PRKN: variants seen among roughly 807,000 people sequenced by gnomAD.
The protein encoded by PRKN is E3 ubiquitin-protein ligase parkin.
In PRKN, 56 loss-of-function variants were observed where a neutral mutation model predicts 59.5. The ratio of observed to expected loss-of-function variants is 0.94; its 90% CI spans 0.76 to 1.18. The LOEUF (loss-of-function observed/expected upper bound fraction) is 1.18, where lower values mean the gene tolerates loss of function less well. Among genes scored for constraint, PRKN ranks in the 50% most tolerant of loss-of-function variants. PRKN has a pLI of 0.00. For synonymous variants in PRKN, 250 were observed against 222.1 expected, an observed-to-expected ratio of 1.13 and a Z score of -1.12; for missense variants, 657 against 596.4, an observed-to-expected ratio of 1.10 and a Z score of -1.06.
At chr6:161,804,863 A>T (rs1326359029) in intron 6 of PRKN, among the ~76,000 whole-genome samples, 1 of 152,242 alleles carries the variant, frequency 6.6e-6, no homozygotes, top group Non-Finnish European at 1.5e-5. Flanking sequence ...TCCAGTACTC[A>T]ACTTTCTAAG....
chr6:162,602,208 G>A (rs1283455881), intron 1 of PRKN, among the ~76,000 whole-genome samples: 1 of 152,170 alleles, frequency 6.6e-6, no homozygotes, highest in African/African-American at 2.4e-5. Context: ...GAGCACCCTG[G>A]GTCCTAAAGG....
intron 1 of PRKN, chr6:162,569,587 T>C: frequency 1.4e-6 from 1 of 717,300 alleles, no homozygotes; most frequent in South Asian, 1.4e-5. Flanking sequence ...GCCTCAGCTA[T>C]GGCCTGGGCT....
At chr6:162,142,067 G>A (rs1490833649) in intron 4 of PRKN, among the ~76,000 whole-genome samples, 1 of 152,164 alleles carries the variant, frequency 6.6e-6, no homozygotes, top group East Asian at 1.9e-4. Context: ...TGCATAAGCT[G>A]CTTAAAAGAT....
intron 2 of PRKN, among the ~76,000 whole-genome samples, chr6:162,330,714 C>A (rs1200546116): frequency 6.6e-6 from 1 of 152,198 alleles, no homozygotes; most frequent in East Asian, 1.9e-4. Context: ...AAGTGAAGTT[C>A]TGGAAGTTAC....
chr6:161,384,485 G>A (rs1434650788), intron 10 of PRKN, among the ~76,000 whole-genome samples: 2 of 151,974 alleles, frequency 1.3e-5, no homozygotes, highest in African/African-American at 4.8e-5. Context: ...GGAGTCTGCA[G>A]TGAGCCAAGA....
At chr6:161,609,109 G>GAATTATGGGACATAGGTCCCATATGTCC (rs1583287047) in intron 7 of PRKN, among the ~76,000 whole-genome samples, 4 of 152,178 alleles carry the variant, frequency 2.6e-5, no homozygotes, top group Admixed American at 2.0e-4. Flanking sequence ...CATAGTTTCT[G>GAATTATGGGACATAGGTCCCATATGTCC]AATTATGGGA....
At chr6:161,751,906 C>G (rs1203592368) in intron 7 of PRKN, among the ~76,000 whole-genome samples, 1 of 152,184 alleles carries the variant, frequency 6.6e-6, no homozygotes. Flanking sequence ...AGTGAACTGG[C>G]TGGAGAAGAG....
intron 1 of PRKN, among the ~76,000 whole-genome samples, chr6:162,648,574 G>A (rs2128226048): frequency 6.6e-6 from 1 of 152,060 alleles, no homozygotes; most frequent in Non-Finnish European, 1.5e-5. Flanking sequence ...TAGAGACGGG[G>A]TTTCACCATG....
intron 6 of PRKN, among the ~76,000 whole-genome samples, chr6:161,864,374 C>A (rs80201131): frequency 6.6e-6 from 1 of 152,170 alleles, no homozygotes; most frequent in South Asian, 2.1e-4. Context: ...CGATTCCTCA[C>A]CTGTTCAAGT....
chr6:161,572,660 C>CAATA (rs10674600), intron 7 of PRKN, among the ~76,000 whole-genome samples: 28,194 of 149,848 alleles, frequency 0.19, 3,051 homozygotes, highest in East Asian at 0.52. Flanking sequence ...GACTCTGTCT[C>CAATA]AATAAATAAA....
At chr6:161,745,995 C>T (rs545514998) in intron 7 of PRKN, among the ~76,000 whole-genome samples, 73 of 152,278 alleles carry the variant, frequency 4.8e-4, no homozygotes, top group African/African-American at 1.7e-3. Flanking sequence ...GAGACGAGGC[C>T]TCATCGTGGC....
At chr6:162,112,441 T>TA (rs1298761694) in intron 4 of PRKN, among the ~76,000 whole-genome samples, 2 of 152,186 alleles carry the variant, frequency 1.3e-5, no homozygotes, top group Non-Finnish European at 2.9e-5. Flanking sequence ...TTAAAAAAGA[T>TA]AAAGTAACAC....
intron 4 of PRKN, among the ~76,000 whole-genome samples, chr6:162,190,201 A>G (rs77449231): frequency 0.011 from 1,702 of 152,272 alleles, 26 homozygotes; most frequent in African/African-American, 0.039. Flanking sequence ...CACTTGGCTA[A>G]CTAGTCACTT....
At chr6:162,490,218 A>C (rs1372380071) in intron 1 of PRKN, among the ~76,000 whole-genome samples, 1 of 152,212 alleles carries the variant, frequency 6.6e-6, no homozygotes, top group Non-Finnish European at 1.5e-5. Context: ...GGAAAAAGAA[A>C]TTCAATCATT....
chr6:161,690,883 C>T (rs1354259022), intron 7 of PRKN, among the ~76,000 whole-genome samples: 2 of 152,166 alleles, frequency 1.3e-5, no homozygotes, highest in African/African-American at 4.8e-5. Context: ...ACTTTTCAGC[C>T]TCCATAAACG....
At chr6:162,201,564 C>T (rs978932249) in intron 3 of PRKN, among the ~76,000 whole-genome samples, 5 of 152,232 alleles carry the variant, frequency 3.3e-5, no homozygotes, top group African/African-American at 4.8e-5. Flanking sequence ...CACTCTTTGC[C>T]GAGGAAGTTT....
intron 7 of PRKN, among the ~76,000 whole-genome samples, chr6:161,572,950 A>G (rs1180895234): frequency 6.6e-6 from 1 of 152,200 alleles, no homozygotes; most frequent in African/African-American, 2.4e-5. Context: ...TCAAACAAAA[A>G]CTGCTGTGAA....
intron 10 of PRKN, among the ~76,000 whole-genome samples, chr6:161,384,708 G>T (rs1156851492): frequency 6.6e-6 from 1 of 152,100 alleles, no homozygotes; most frequent in Non-Finnish European, 1.5e-5. Flanking sequence ...TGCCCATGTG[G>T]CACCCTCTGC....
At chr6:162,337,091 T>G (rs953100294) in intron 2 of PRKN, among the ~76,000 whole-genome samples, 2 of 152,204 alleles carry the variant, frequency 1.3e-5, no homozygotes, top group Admixed American at 1.3e-4. Context: ...TGACTACAAA[T>G]ATTGAATTAG....
Sources: gnomAD v4.1 joint callset for allele counts (sites outside exome capture counted in the v4.1 genomes callset) on GRCh38, gnomAD v4.1.1 for gene constraint, MANE v1.5 for transcripts, NCBI Gene and HGNC (gene_info 2026-07-23, HGNC 2026-07-21) for gene names.